Variants in THADA observed in about 807,000 individuals in gnomAD.
THADA encodes tRNA (32-2'-O)-methyltransferase regulator THADA.
Under a neutral mutation model 219.8 loss-of-function variants are expected in THADA, and 213 were observed. The ratio of observed to expected loss-of-function variants is 0.97; its 90% CI spans 0.87 to 1.09. The LOEUF (loss-of-function observed/expected upper bound fraction) is 1.09, where lower values mean the gene tolerates loss of function less well. Ranked by LOEUF, THADA falls within the 50% of genes least tolerant of loss-of-function variation. The pLI is 0.00. For missense variants in THADA, 2,956 were observed against 2,311.3 expected, an observed-to-expected ratio of 1.28 and a Z score of -5.72; for synonymous variants, 1,018 against 828.9, an observed-to-expected ratio of 1.23 and a Z score of -3.92.
chr2:43,435,508 C>T (rs1679971921), intron 26 of THADA, among the ~76,000 whole-genome samples: 1 of 151,874 alleles, frequency 6.6e-6, no homozygotes, highest in African/African-American at 2.4e-5. Context: ...GAGGGCTGAG[C>T]AAGGTGGCTC....
chr2:43,456,005 T>C (rs1057123770), intron 26 of THADA, among the ~76,000 whole-genome samples: 2 of 152,302 alleles, frequency 1.3e-5, no homozygotes, highest in South Asian at 2.1e-4. Flanking sequence ...AACTGCTCGA[T>C]TGCCAAAAGA....
chr2:43,584,037 T>TA (rs536050936), intron 7 of THADA, among the ~76,000 whole-genome samples: 8,793 of 65,396 alleles, frequency 0.13, 556 homozygotes, highest in East Asian at 0.2. Context: ...TTGTCTCAAT[T>TA]AAAAAAAAAA....
intron 35 of THADA, among the ~76,000 whole-genome samples, chr2:43,281,778 C>A (rs999582263): frequency 6.7e-6 from 1 of 150,246 alleles, no homozygotes. Flanking sequence ...CTATTCAGTA[C>A]CTTTTTCATT....
chr2:43,499,808 A>G (rs1688709863), intron 24 of THADA, among the ~76,000 whole-genome samples: 1 of 152,196 alleles, frequency 6.6e-6, no homozygotes. Context: ...ATTCAAAAAA[A>G]AATGTACATC....
At chr2:43,463,107 T>C (rs1268307174) in intron 26 of THADA, 1 of 152,220 alleles carries the variant, frequency 6.6e-6, no homozygotes, top group Non-Finnish European at 1.5e-5. Flanking sequence ...ACAACATCTG[T>C]TCTTTGGTCA....
chr2:43,583,970 G>A (rs1248753684), intron 7 of THADA, among the ~76,000 whole-genome samples: 1 of 150,058 alleles, frequency 6.7e-6, no homozygotes. Context: ...GGCTTGGGAG[G>A]CAGAGATTGC....
chr2:43,278,971 C>G (rs889288429), intron 36 of THADA, among the ~76,000 whole-genome samples: 2 of 152,214 alleles, frequency 1.3e-5, no homozygotes, highest in African/African-American at 2.4e-5. Flanking sequence ...AGAGACCTTT[C>G]CTGGCACCCA....
At chr2:43,233,921 TG>T (rs911247286) in intron 36 of THADA, among the ~76,000 whole-genome samples, 25 of 152,290 alleles carry the variant, frequency 1.6e-4, no homozygotes, top group African/African-American at 5.5e-4. Flanking sequence ...TATTGAGCCC[TG>T]ATCACTCCCA....
intron 30 of THADA, among the ~76,000 whole-genome samples, chr2:43,334,770 G>A (rs531937209): frequency 6.6e-5 from 10 of 151,182 alleles, no homozygotes; most frequent in East Asian, 3.9e-4. Context: ...GCGAGACTCC[G>A]TCTCAAAACA....
At chr2:43,285,836 C>G (rs1673935150) in intron 35 of THADA, among the ~76,000 whole-genome samples, 1 of 152,152 alleles carries the variant, frequency 6.6e-6, no homozygotes, top group African/African-American at 2.4e-5. Flanking sequence ...CAGACGTGAG[C>G]CACTGTGCCT....
In THADA at chr2:43,575,508, C is replaced by A. The variant is rs538173341; in HGVS notation, c.1038-481G>T. Among the ~76,000 whole-genome samples, 5 of 152,260 alleles carry A rather than the reference C, an allele frequency of 3.3e-5. 1 individual carries two copies. The South Asian group carries it at 1.0e-3, about 32-fold the overall frequency. ...ATTTGGGGGATGATGGAAATATTCA[C>A]TACCTTGACTGTGATGATTACACAA... is the stretch of plus-strand genomic sequence containing the variant. On this transcript the variant is annotated intron_variant, in intron 10 of 37. Coordinates refer to ENST00000405975, the MANE Select transcript of THADA (RefSeq NM_022065.5).
At chr2:43,365,280 C>A (rs915009820) in intron 29 of THADA, among the ~76,000 whole-genome samples, 1 of 151,786 alleles carries the variant, frequency 6.6e-6, no homozygotes, top group African/African-American at 2.4e-5. Flanking sequence ...TTAAAGGGCG[C>A]AAGAATATAC....
intron 21 of THADA, among the ~76,000 whole-genome samples, chr2:43,538,014 G>A (rs554062283): frequency 5.3e-5 from 8 of 151,748 alleles, no homozygotes; most frequent in Non-Finnish European, 8.8e-5. Flanking sequence ...AATCTTACTC[G>A]TGTGATTTCT....
intron 26 of THADA, among the ~76,000 whole-genome samples, chr2:43,478,172 G>A (rs1685767007): frequency 6.6e-6 from 1 of 152,120 alleles, no homozygotes; most frequent in Non-Finnish European, 1.5e-5. Context: ...AGGTCCATAA[G>A]GAGTATTCAA....
intron 31 of THADA, among the ~76,000 whole-genome samples, chr2:43,305,852 A>G (rs896341602): frequency 8.5e-5 from 13 of 152,082 alleles, no homozygotes; most frequent in African/African-American, 3.1e-4. Context: ...AGACACAAAC[A>G]TAGTTATTTC....
chr2:43,594,406 C>T (rs1419887931), intron 1 of THADA, among the ~76,000 whole-genome samples: 2 of 151,944 alleles, frequency 1.3e-5, no homozygotes, highest in Non-Finnish European at 1.5e-5. Flanking sequence ...ATGGTGAAAC[C>T]CCGTCTGCAC....
intron 11 of THADA, among the ~76,000 whole-genome samples, chr2:43,573,993 A>G (rs545294878): frequency 6.6e-6 from 1 of 152,372 alleles, no homozygotes; most frequent in South Asian, 2.1e-4. Context: ...TATTGTCTCA[A>G]TGACTTGAAT....
rs1034954216 is a variant in THADA, at chr2:43,551,720, A to G, written c.2947+69T>C. ...ATCTCCCCAAAGAAATACTTGGGGA[A>G]AAAAAAAAAGAGGTAAAGACATAAT... On this transcript the variant is annotated intron_variant, in intron 19 of 37. Transcript: ENST00000405975. 5.8e-5 allele frequency: 68 copies of G among 1,177,388 alleles called. 1 individual carries two copies. The highest frequency in any genetic ancestry group is 1.1e-4 in the African/African-American group (4 of 37,408). The allele number at this position is 1,177,388 out of a possible 1,614,324, so 72.9% of individuals were successfully genotyped here. A position where few individuals can be genotyped will look rare whatever the true frequency, so the allele number is the denominator to read the frequency against.
chr2:43,370,165 A>G (rs1020760770), intron 29 of THADA: 3 of 152,270 alleles, frequency 2.0e-5, no homozygotes, highest in Non-Finnish European at 2.9e-5. Flanking sequence ...AATGAGGAGA[A>G]TGAGAATGCA....
Sources: allele counts gnomAD v4.1 joint callset (sites outside exome capture counted in the v4.1 genomes callset), GRCh38; gene constraint gnomAD v4.1.1; transcripts MANE v1.5; gene names NCBI Gene and HGNC (gene_info 2026-07-23, HGNC 2026-07-21).